Variants in SERAC1 observed in about 807,000 individuals in gnomAD.
SERAC1 encodes the protein serine active site containing 1, also known as protein SERAC1.
A neutral mutation model predicts 85.7 loss-of-function variants in SERAC1; 36 were observed. That is an observed-to-expected ratio of 0.42 (90% CI 0.32 to 0.55). The LOEUF (loss-of-function observed/expected upper bound fraction) is 0.55. SERAC1 is among the 20% of genes least tolerant of loss of function. SERAC1 has a pLI of 0.11. For synonymous variants in SERAC1, 242 were observed against 265.3 expected (o/e 0.91, Z 0.85); for missense variants, 629 against 796.2 (o/e 0.79, Z 2.53).
intron 1 of SERAC1, chr6:158,159,434 G>A (rs1354969660): frequency 6.6e-6 from 1 of 150,950 alleles, no homozygotes; most frequent in Non-Finnish European, 1.5e-5. Context: ...GGGACGCTGA[G>A]GTTGCAGTGA....
intron 6 of SERAC1, among the ~76,000 whole-genome samples, chr6:158,145,764 C>T (rs540116050): frequency 2.0e-5 from 3 of 152,042 alleles, no homozygotes; most frequent in East Asian, 3.9e-4. Context: ...CTCAAGTGAC[C>T]CGCCTTCCTC....
rs1213215723 is a variant in SERAC1, at chr6:158,130,594, T to C, written c.739-108A>G. On this transcript the variant is annotated intron_variant, in intron 8 of 16. Transcript: ENST00000647468. ...AATAGATGGTGTTAGAAAATACTAA[T>C]GTGTAGGGCCTCAAAATATGTTGGA... The C allele has an allele frequency of 4.8e-6, 3 of 629,150 alleles. No homozygotes were observed. The East Asian group carries it at 9.4e-5, about 20-fold the overall frequency. The allele number at this position is 629,150 out of a possible 1,614,324, so 39.0% of individuals were successfully genotyped here. A position where few individuals can be genotyped will look rare whatever the true frequency, so the allele number is the denominator to read the frequency against.
intron 1 of SERAC1, among the ~76,000 whole-genome samples, chr6:158,167,190 G>T (rs1484703043): frequency 6.7e-6 from 1 of 149,136 alleles, no homozygotes; most frequent in Non-Finnish European, 1.5e-5. Flanking sequence ...GAAGAGCTGG[G>T]TTCCTTAGCG....
rs111312002 is a variant in SERAC1 at position 158,150,348 on chromosome 6, A to G, written c.265+105T>C. 9.3e-6 allele frequency: 8 copies of G among 860,172 alleles called. 1 individual carries two copies. The African/African-American group carries it at 1.0e-4, about 11-fold the overall frequency. The allele number at this position is 860,172 out of a possible 1,614,324, so 53.3% of individuals were successfully genotyped here. On this transcript the variant is annotated intron_variant, in intron 4 of 16. Transcript: ENST00000647468. ...TTCACGGGGTTTGGTGATTCTTAGAATTAGCTCAATCTGTATTACTAATAC... is the reference window on the plus strand; with the variant it reads ...TTCACGGGGTTTGGTGATTCTTAGAGTTAGCTCAATCTGTATTACTAATAC...
Position 158,158,307 on chromosome 6 carries a change from G to A in SERAC1, c.57C>T (p.Ser19=). The A allele has an allele frequency of 1.2e-6, 2 of 1,613,550 alleles. No homozygotes were observed. Among genetic ancestry groups the A allele is most frequent in the Non-Finnish European group, 1.7e-6 (2 of 1,179,608 alleles). The change falls in exon 2 of 17, where the codon TCC becomes TCT. Residue 19 remains serine, a synonymous_variant. Transcript: ENST00000647468. ...TCCAGTGTGTGCCACTTTTTGGTGGGGAAGTAGAGGTTCCTATTCTTCTGC... is the reference window on the plus strand; with the variant it reads ...TCCAGTGTGTGCCACTTTTTGGTGGAGAAGTAGAGGTTCCTATTCTTCTGC... ...ICCRRIGTST[S]PPKSGTHWRD...
At chr6:158,166,302 A>G (rs2128426776) in intron 1 of SERAC1, 1 of 152,282 alleles carries the variant, frequency 6.6e-6, no homozygotes, top group South Asian at 2.1e-4. Context: ...TGGTATACTA[A>G]ACTCCCGTAT....
chr6:158,139,501 G>C lies in SERAC1; in HGVS notation c.738+3555C>G, dbSNP rs1469996444. Among the ~76,000 whole-genome samples, 3 of 152,148 alleles carry C rather than the reference G, an allele frequency of 2.0e-5. No individual in the cohort carries two copies. The East Asian group carries it at 5.8e-4, about 29-fold the overall frequency. ...CAATTCAACAACAACAACAAAAAAA[G>C]TCCATTTTTAAATTGGGTGCTGCAA... On this transcript the variant is annotated intron_variant, in intron 8 of 16. Transcript: ENST00000647468.
Position 158,113,580 on chromosome 6 carries a change from A to G in SERAC1, c.1697T>C (p.Leu566Pro). The G allele has an allele frequency of 6.2e-7, 1 of 1,613,588 alleles. No homozygotes were observed. The highest frequency in any genetic ancestry group is 8.5e-7 in the Non-Finnish European group (1 of 1,179,604). ...CAGAAAGTCATCTTGTAGTGTTTTA[A>G]GTGCAGGAGAATCTGTAAAATTATA... ...VKELSKDSPA[L>P]KTLQDDFLEF... The change falls in exon 16 of 17, where the codon CTT becomes CCT. Residue 566 changes from leucine (L) to proline (P), a missense_variant. By Grantham distance (98) the Leu-to-Pro change is moderately conservative. Coordinates refer to ENST00000647468, the MANE Select transcript of SERAC1 (RefSeq NM_032861.4).
At chr6:158,166,263 CT>C (rs1483977798) in intron 1 of SERAC1, 4 of 152,178 alleles carry the variant, frequency 2.6e-5, no homozygotes, top group African/African-American at 9.7e-5. Flanking sequence ...ATAGTCTATG[CT>C]TTCCCCCTGC....
rs780420200 is a variant in SERAC1, at chr6:158,114,988, GA to G, written c.1502-18del. The stretch of plus-strand genomic sequence containing the variant: ...CAAGAAGACCTAGCCACAGACAAGG[GA>G]AAAAAACAATGCATAAGCTATTTTC... On this transcript the variant is annotated intron_variant, in intron 14 of 16. Transcript: ENST00000647468. 8 of 1,588,178 alleles carry G rather than the reference GA, an allele frequency of 5.0e-6. No homozygotes were observed. The highest frequency in any genetic ancestry group is 6.0e-6 in the Non-Finnish European group (7 of 1,170,012).
chr6:158,111,696 C>G, intron 16 of SERAC1, 194 bp from the exon 17 acceptor site: 1 of 449,216 alleles, frequency 2.2e-6, no homozygotes. Flanking sequence ...GATTCTCAGT[C>G]AGTAGAACCA....
chr6:158,155,104 T>G (rs998084553), intron 3 of SERAC1, among the ~76,000 whole-genome samples: 2 of 152,178 alleles, frequency 1.3e-5, no homozygotes, highest in Admixed American at 1.3e-4. Flanking sequence ...GAGTTCCTAG[T>G]ACACATTTGG....
intron 8 of SERAC1, among the ~76,000 whole-genome samples, chr6:158,135,256 G>A (rs1258821558): frequency 6.6e-6 from 1 of 152,200 alleles, no homozygotes; most frequent in African/African-American, 2.4e-5. Context: ...CATAGGCTGG[G>A]TGCAGTGGCT....
intron 14 of SERAC1, 142 bp from the exon 15 acceptor site, chr6:158,115,113 C>T (rs1205457796): frequency 1.3e-5 from 11 of 846,656 alleles, no homozygotes; most frequent in South Asian, 5.3e-5. Flanking sequence ...ATTCTCTGTA[C>T]AGTAGTATAA....
chr6:158,154,586 A>G lies in SERAC1; in HGVS notation c.128+729T>C, dbSNP rs867492192. Among the ~76,000 whole-genome samples the G allele has an allele frequency of 2.4e-4, 37 of 152,178 alleles. No homozygotes were observed. In the Middle Eastern group the frequency reaches 9.5e-3, roughly 39 times the overall value. Reference sequence around the variant, plus strand: ...ATTACATATATATTCCTCCCCCTAAAAAAAAGTAAAAGAGTATGAAAAATA... The same window carrying G: ...ATTACATATATATTCCTCCCCCTAAGAAAAAGTAAAAGAGTATGAAAAATA... On this transcript the variant is annotated intron_variant, in intron 3 of 16. Transcript: ENST00000647468.
intron 16 of SERAC1, 137 bp from the exon 17 acceptor site, chr6:158,111,639 G>T: frequency 1.7e-6 from 1 of 590,060 alleles, no homozygotes; most frequent in Non-Finnish European, 2.8e-6. Context: ...AAAGGAACCT[G>T]AAGTTTGATT....
intron 8 of SERAC1, among the ~76,000 whole-genome samples, chr6:158,137,022 G>A (rs1454588905): frequency 6.6e-6 from 1 of 152,040 alleles, no homozygotes; most frequent in Non-Finnish European, 1.5e-5. Context: ...GCTGGGCATG[G>A]TGGCTCGCGC....
chr6:158,112,104 G>A (rs551071746), intron 16 of SERAC1: 2 of 152,462 alleles, frequency 1.3e-5, no homozygotes, highest in Admixed American at 1.3e-4. Flanking sequence ...CCAAGCAGCT[G>A]GTCCATGATA....
chr6:158,155,501 G>A (rs1785308673), intron 2 of SERAC1, 150 bp from the exon 3 acceptor site: 2 of 557,208 alleles, frequency 3.6e-6, no homozygotes, highest in South Asian at 4.6e-5. Flanking sequence ...ATTAATAAAT[G>A]GTCTCCTATC....
Sources: allele counts gnomAD v4.1 joint callset (sites outside exome capture counted in the v4.1 genomes callset), GRCh38; gene constraint gnomAD v4.1.1; transcripts MANE v1.5; gene names NCBI Gene and HGNC (gene_info 2026-07-23, HGNC 2026-07-21).